The following CLCN4 variants were observed in gnomAD, a reference collection of about 807,000 sequenced individuals.
CLCN4 encodes the protein H(+)/Cl(-) exchange transporter 4.
A neutral mutation model predicts 41.7 loss-of-function variants in CLCN4; 1 was observed. The observed-to-expected ratio is 0.02, with a 90% CI of 0.01 to 0.11. CLCN4 has a LOEUF of 0.11. CLCN4 is among the 10% of genes least tolerant of loss of function. CLCN4 has a pLI of 1.00. For missense variants in CLCN4, 287 were observed against 661.0 expected (o/e 0.43, Z 6.20); for synonymous variants, 277 against 285.8 (o/e 0.97, Z 0.31).
intron 3 of CLCN4, among the ~76,000 whole-genome samples, chrX:10,186,542 G>A (rs997370417): frequency 5.4e-5 from 6 of 111,672 alleles, no homozygotes; most frequent in Non-Finnish European, 1.1e-4. Flanking sequence ...GCGGTGAGGG[G>A]AGAGCTGCTT....
At chrX:10,176,026 A>G (rs1371774669) in intron 2 of CLCN4, among the ~76,000 whole-genome samples, 1 of 103,565 alleles carries the variant, frequency 9.7e-6, no homozygotes, top group Non-Finnish European at 1.9e-5. Context: ...CAAAGCTTTA[A>G]GGTTGAAATG....
intron 8 of CLCN4, among the ~76,000 whole-genome samples, chrX:10,207,005 C>T (rs1207567294): frequency 1.8e-5 from 2 of 110,736 alleles, no homozygotes; most frequent in African/African-American, 3.3e-5. Flanking sequence ...CTACAACCTC[C>T]GCTTCCCGGG....
At chrX:10,194,826 G>A (rs1314593593) in intron 4 of CLCN4, 85 bp from the exon 5 acceptor site, 1 of 927,491 alleles carries the variant, frequency 1.1e-6, no homozygotes. Context: ...CATTGCTGAT[G>A]TGCCCCTGTC....
At position 10,205,342 on chromosome X, in the gene CLCN4, G is replaced by A. The variant is rs777757017; in HGVS notation, c.556-1016G>A. On this transcript the variant is annotated intron_variant, in intron 6 of 12. Coordinates refer to ENST00000380833, the MANE Select transcript of CLCN4 (RefSeq NM_001830.4). ...CAAAAAATTAGCCGGGCATGATGGC[G>A]GGTGACTGTAGTCCCAGCTACTCAG... is the stretch of plus-strand genomic sequence containing the variant. 6.4e-5 allele frequency among the ~76,000 whole-genome samples: 7 copies of A among 108,781 alleles called. No individual in the cohort carries two copies. In the East Asian group the frequency reaches 1.5e-3, roughly 23 times the overall value. 94.5% of individuals were successfully genotyped at this position (108,781 alleles called of 115,157 possible). A position where few individuals can be genotyped will look rare whatever the true frequency, so the allele number is the denominator to read the frequency against.
At chrX:10,199,871 G>A (rs1296362059) in intron 6 of CLCN4, among the ~76,000 whole-genome samples, 2 of 110,752 alleles carry the variant, frequency 1.8e-5, no homozygotes, top group African/African-American at 6.6e-5. Context: ...CGATTCTCAT[G>A]CCTCAGCCCC....
In CLCN4 at chrX:10,208,476, T is replaced by C; in HGVS notation, c.1275T>C (p.Pro425=). 1 of 1,211,472 alleles carries C rather than the reference T, an allele frequency of 8.3e-7. No homozygotes were observed. The highest frequency in any genetic ancestry group is 1.1e-6 in the Non-Finnish European group (1 of 895,327). Residue 425 remains proline, a synonymous_variant, in exon 9 of 13, where the codon CCT becomes CCC. Transcript: ENST00000380833. The stretch of plus-strand genomic sequence containing the variant: ...TCAATGACCCCAACATGACTCGGCC[T>C]GTGGATGACATTCCAGACCGGCCGG... ...DYINDPNMTR[P]VDDIPDRPAG... is the part of the protein sequence containing the mutation.
chrX:10,194,053 C>T (rs1182364169), intron 4 of CLCN4, among the ~76,000 whole-genome samples: 7 of 108,957 alleles, frequency 6.4e-5, no homozygotes, highest in Non-Finnish European at 9.5e-5. Context: ...GAACGAGGCC[C>T]CATGGAGGAA....
chrX:10,171,542 C>T (rs1292483186), intron 2 of CLCN4, among the ~76,000 whole-genome samples: 1 of 111,353 alleles, frequency 9.0e-6, no homozygotes, highest in Admixed American at 9.5e-5. Context: ...ACGCAATGGG[C>T]GACTGGAGCT....
At chrX:10,180,140 G>A (rs1923636756) in intron 2 of CLCN4, among the ~76,000 whole-genome samples, 1 of 112,032 alleles carries the variant, frequency 8.9e-6, no homozygotes, top group Non-Finnish European at 1.9e-5. Context: ...CATGATGATG[G>A]GTAATCCTTA....
intron 2 of CLCN4, among the ~76,000 whole-genome samples, chrX:10,161,071 TTTGGAC>T (rs766833621): frequency 5.4e-5 from 6 of 110,211 alleles, no homozygotes; most frequent in Non-Finnish European, 1.1e-4. Flanking sequence ...TGCCCCAGGC[TTTGGAC>T]TTTGATGTGT....
intron 2 of CLCN4, among the ~76,000 whole-genome samples, chrX:10,174,823 C>A (rs1470350995): frequency 7.1e-5 from 8 of 112,033 alleles, no homozygotes; most frequent in African/African-American, 2.3e-4. Flanking sequence ...ATCTTTTGTC[C>A]CCTCCCCAGT....
intron 6 of CLCN4, among the ~76,000 whole-genome samples, chrX:10,202,877 G>A (rs1924278307): frequency 9.0e-6 from 1 of 110,905 alleles, no homozygotes; most frequent in Non-Finnish European, 1.9e-5. Context: ...TTTATTTATC[G>A]GAAAGAGTTC....
intron 2 of CLCN4, among the ~76,000 whole-genome samples, chrX:10,178,756 C>T (rs1431775411): frequency 9.0e-6 from 1 of 111,491 alleles, no homozygotes; most frequent in Admixed American, 9.6e-5. Flanking sequence ...TGAGCCTGGG[C>T]TGTCGGCTCC....
intron 2 of CLCN4, among the ~76,000 whole-genome samples, chrX:10,171,697 G>A (rs1923389727): frequency 8.9e-6 from 1 of 111,986 alleles, no homozygotes; most frequent in Admixed American, 9.5e-5. Context: ...TAAAGCAAGA[G>A]GACACAGAGA....
chrX:10,207,476 A>G (rs1439598606), intron 8 of CLCN4, among the ~76,000 whole-genome samples: 4 of 112,503 alleles, frequency 3.6e-5, no homozygotes, highest in Non-Finnish European at 5.6e-5. Flanking sequence ...GCAGCTGTGA[A>G]CAATACGTAC....
chrX:10,203,224 T>G (rs1250145531), intron 6 of CLCN4, among the ~76,000 whole-genome samples: 1 of 111,633 alleles, frequency 9.0e-6, no homozygotes, highest in African/African-American at 3.3e-5. Context: ...TGACAAAAAA[T>G]TATAGATAAT....
At chrX:10,173,105 C>A (rs192948145) in intron 2 of CLCN4, among the ~76,000 whole-genome samples, 1 of 111,157 alleles carries the variant, frequency 9.0e-6, no homozygotes, top group African/African-American at 3.3e-5. Context: ...CTGCCCTCTT[C>A]CCCTCCCCTC....
chrX:10,194,425 C>T lies in CLCN4; in HGVS notation c.245-486C>T, dbSNP rs371460354. Among the ~76,000 whole-genome samples the T allele has an allele frequency of 3.9e-4, 43 of 111,449 alleles. No individual in the cohort carries two copies. The South Asian group carries it at 9.9e-3, about 26-fold the overall frequency. ...AGAGTTTTAATAAACAGGATCTTCC[C>T]GAATTTGGTTCTCATTTGGTGGCAA... On this transcript the variant is annotated intron_variant, in intron 4 of 12. Transcript: ENST00000380833.
intron 3 of CLCN4, among the ~76,000 whole-genome samples, chrX:10,186,054 G>A (rs183304525): frequency 9.0e-6 from 1 of 111,379 alleles, no homozygotes; most frequent in African/African-American, 3.3e-5. Context: ...GCTGGGGCCA[G>A]GAGGGGAATG....
Sources: allele counts gnomAD v4.1 joint callset (sites outside exome capture counted in the v4.1 genomes callset), GRCh38; gene constraint gnomAD v4.1.1; transcripts MANE v1.5; gene names NCBI Gene and HGNC (gene_info 2026-07-23, HGNC 2026-07-21).